Variants in PCLO observed in about 807,000 individuals in gnomAD.
PCLO encodes the protein protein piccolo.
Under a neutral mutation model 427.5 loss-of-function variants are expected in PCLO, and 82 were observed. That is an observed-to-expected ratio of 0.19 (90% CI 0.16 to 0.23). The LOEUF (loss-of-function observed/expected upper bound fraction) is 0.23. Ranked by LOEUF, PCLO falls within the 10% of genes least tolerant of loss-of-function variation. PCLO has a pLI of 1.00. For synonymous variants in PCLO, 2,357 were observed against 2,155.4 expected (o/e 1.09, Z -2.59); for missense variants, 6,239 against 6,115.9 (o/e 1.02, Z -0.67).
intron 10 of PCLO, among the ~76,000 whole-genome samples, chr7:82,850,652 C>T (rs1043407699): frequency 1.3e-5 from 2 of 152,106 alleles, no homozygotes; most frequent in Admixed American, 1.3e-4. Context: ...AAAAATCTTA[C>T]AGGTTACTCT....
At chr7:82,774,425 T>G (rs1790707487) in intron 22 of PCLO, among the ~76,000 whole-genome samples, 1 of 152,224 alleles carries the variant, frequency 6.6e-6, no homozygotes, top group African/African-American at 2.4e-5. Flanking sequence ...CAGACCATTT[T>G]TATCATTATA....
intron 3 of PCLO, among the ~76,000 whole-genome samples, chr7:82,985,499 T>G (rs1796237205): frequency 6.6e-6 from 1 of 152,026 alleles, no homozygotes; most frequent in African/African-American, 2.4e-5. Context: ...ATATTTTTTA[T>G]ATTATCTTGT....
At chr7:83,119,801 G>T (rs117856561) in intron 3 of PCLO, among the ~76,000 whole-genome samples, 2,072 of 139,924 alleles carry the variant, frequency 0.015, 24 homozygotes, top group Non-Finnish European at 0.021. Context: ...ATAACACAGA[G>T]AATATACCCA....
intron 6 of PCLO, among the ~76,000 whole-genome samples, chr7:82,927,034 C>G (rs748093600): frequency 6.6e-6 from 1 of 151,618 alleles, no homozygotes; most frequent in Non-Finnish European, 1.5e-5. Context: ...ATTTAGGTTT[C>G]TTTTTTCCTT....
chr7:82,831,785 A>AT (rs1792099522), intron 16 of PCLO, among the ~76,000 whole-genome samples: 1 of 152,148 alleles, frequency 6.6e-6, no homozygotes, highest in Non-Finnish European at 1.5e-5. Context: ...CCTTTGCAGT[A>AT]TTTTTTGCCC....
Position 82,956,828 on chromosome 7 carries a change from A to G in PCLO, c.4125T>C (p.Gly1375=). The change falls in exon 5 of 25, where the codon GGT becomes GGC. Residue 1375 remains glycine, a synonymous_variant. Transcript: ENST00000333891. ...CAGTTGGAATAAGACTTGGAATTTC[A>G]CCAAGTGAGCTTGATATTCCATCGG... The part of the protein sequence containing the change: ...YSSDGISSSL[G]EIPSLIPTDE... 1 of 1,613,494 alleles carries G rather than the reference A, an allele frequency of 6.2e-7. No homozygotes were observed. The highest frequency in any genetic ancestry group is 1.3e-5 in the African/African-American group (1 of 75,042).
At chr7:82,962,931 C>T (rs1376379032) in intron 4 of PCLO, among the ~76,000 whole-genome samples, 1 of 151,846 alleles carries the variant, frequency 6.6e-6, no homozygotes, top group Non-Finnish European at 1.5e-5. Context: ...TTGACCATGA[C>T]ACAGATATTT....
chr7:82,927,184 C>T (rs1554354155), intron 6 of PCLO, among the ~76,000 whole-genome samples: 1 of 152,090 alleles, frequency 6.6e-6, no homozygotes, highest in Non-Finnish European at 1.5e-5. Flanking sequence ...AATGGCAGAT[C>T]CAGCACCATA....
chr7:82,880,277 T>C (rs1793473686), intron 9 of PCLO: 1 of 265,620 alleles, frequency 3.8e-6, no homozygotes, highest in Non-Finnish European at 7.9e-6. Flanking sequence ...CATATATGGC[T>C]CATCACTGAC....
chr7:83,107,350 T>C (rs1250557657), intron 3 of PCLO, among the ~76,000 whole-genome samples: 1 of 152,168 alleles, frequency 6.6e-6, no homozygotes, highest in Non-Finnish European at 1.5e-5. Flanking sequence ...GAGTCAAAAC[T>C]AACACGAATT....
intron 3 of PCLO, among the ~76,000 whole-genome samples, chr7:83,049,227 G>C (rs2116251787): frequency 6.6e-6 from 1 of 152,204 alleles, no homozygotes; most frequent in East Asian, 1.9e-4. Context: ...AAAGATAAGA[G>C]CGGCAATATA....
intron 2 of PCLO, among the ~76,000 whole-genome samples, chr7:83,142,846 C>G (rs1240205778): frequency 6.6e-6 from 1 of 152,092 alleles, no homozygotes; most frequent in Non-Finnish European, 1.5e-5. Context: ...GTAATCCCAG[C>G]TACTCGGGAG....
intron 9 of PCLO, among the ~76,000 whole-genome samples, chr7:82,892,159 C>T (rs566699454): frequency 6.6e-6 from 1 of 152,126 alleles, no homozygotes; most frequent in Non-Finnish European, 1.5e-5. Flanking sequence ...AGGCATCACA[C>T]CTCCTGACTT....
At chr7:82,851,817 C>T (rs1307718355) in intron 10 of PCLO, among the ~76,000 whole-genome samples, 1 of 152,176 alleles carries the variant, frequency 6.6e-6, no homozygotes, top group Non-Finnish European at 1.5e-5. Flanking sequence ...GCGGACTCAA[C>T]AGCAAACACA....
chr7:82,834,873 G>A (rs1352625630), intron 16 of PCLO, among the ~76,000 whole-genome samples: 1 of 152,066 alleles, frequency 6.6e-6, no homozygotes, highest in Non-Finnish European at 1.5e-5. Flanking sequence ...ATTTTGTGGG[G>A]CAGAAGTTAC....
At chr7:83,040,254 T>A (rs1362683491) in intron 3 of PCLO, among the ~76,000 whole-genome samples, 1 of 152,120 alleles carries the variant, frequency 6.6e-6, no homozygotes, top group Non-Finnish European at 1.5e-5. Context: ...TTATGTTATT[T>A]TAGTGAAATC....
intron 22 of PCLO, among the ~76,000 whole-genome samples, chr7:82,789,580 C>T (rs1490080034): frequency 6.6e-6 from 1 of 152,074 alleles, no homozygotes; most frequent in African/African-American, 2.4e-5. Context: ...GTGGCAGGCA[C>T]CTGTAATCCA....
chr7:82,795,832 T>C (rs1361183967), intron 22 of PCLO, among the ~76,000 whole-genome samples: 2 of 152,206 alleles, frequency 1.3e-5, no homozygotes, highest in Non-Finnish European at 2.9e-5. Context: ...TTTCTACATC[T>C]ATACTAAGAA....
chr7:82,912,635 T>G (rs2116248868), intron 7 of PCLO, among the ~76,000 whole-genome samples: 1 of 152,220 alleles, frequency 6.6e-6, no homozygotes, highest in South Asian at 2.1e-4. Context: ...TTCATAATTT[T>G]ATATGCTGCA....
Sources: gnomAD v4.1 joint callset for allele counts (sites outside exome capture counted in the v4.1 genomes callset) on GRCh38, gnomAD v4.1.1 for gene constraint, MANE v1.5 for transcripts, NCBI Gene and HGNC (gene_info 2026-07-23, HGNC 2026-07-21) for gene names.